Variants in KIAA0232 observed in about 807,000 individuals in gnomAD.
KIAA0232 encodes the protein uncharacterized protein KIAA0232.
KIAA0232 carries 27 observed loss-of-function variants against 122.0 expected under a neutral mutation model. That is an observed-to-expected ratio of 0.22 (90% CI 0.16 to 0.31). KIAA0232 has a LOEUF of 0.31. KIAA0232 is among the 10% of genes least tolerant of loss of function. KIAA0232 has a pLI of 1.00. For missense variants in KIAA0232, 1,551 were observed against 1,634.2 expected (o/e 0.95, Z 0.88); for synonymous variants, 613 against 587.6 (o/e 1.04, Z -0.63).
chr4:6,833,737 C>T (rs953429658), intron 3 of KIAA0232, among the ~76,000 whole-genome samples: 76 of 152,166 alleles, frequency 5.0e-4, no homozygotes, highest in African/African-American at 1.8e-3. Context: ...TGACAAAAAC[C>T]TTTCTGGGTA....
At chr4:6,826,452 A>G (rs751264715) in intron 3 of KIAA0232, among the ~76,000 whole-genome samples, 6 of 151,990 alleles carry the variant, frequency 3.9e-5, no homozygotes, top group Non-Finnish European at 5.9e-5. Flanking sequence ...AATATTTCTC[A>G]TCATTCAAAA....
At chr4:6,795,066 A>ATGTTT (rs59110833) in intron 1 of KIAA0232, among the ~76,000 whole-genome samples, 8 of 151,866 alleles carry the variant, frequency 5.3e-5, no homozygotes, top group African/African-American at 1.9e-4. Flanking sequence ...CACAAGCCAC[A>ATGTTT]TGTTTTGTTT....
intron 3 of KIAA0232, among the ~76,000 whole-genome samples, chr4:6,841,766 A>G (rs1323694967): frequency 1.3e-5 from 2 of 152,234 alleles, no homozygotes; most frequent in Non-Finnish European, 1.5e-5. Flanking sequence ...AGACTTGTGC[A>G]CCAAAAACTA....
intron 7 of KIAA0232, among the ~76,000 whole-genome samples, chr4:6,868,454 C>T (rs961318272): frequency 2.0e-5 from 3 of 152,054 alleles, no homozygotes; most frequent in South Asian, 2.1e-4. Context: ...GATCGCTGGA[C>T]GAGGGGCATT....
rs981071614 is a variant in KIAA0232, at chr4:6,858,450, G to A, written c.462G>A (p.Glu154=). 9 of 1,605,416 alleles carry A rather than the reference G, an allele frequency of 5.6e-6. No individual in the cohort carries two copies. Among genetic ancestry groups the A allele is most frequent in the Admixed American group, 1.7e-5 (1 of 58,304 alleles). The change falls in exon 6 of 10, where the codon GAG becomes GAA. Residue 154 remains glutamate, a synonymous_variant. Transcript: ENST00000307659. ...KQEEKIHKKL[E]GSPSPEAELS... ...AAGAGAAGATTCACAAAAAGTTAGA[G>A]GGGTCTCCCTCTCCAGAGGCAGAAT...
intron 9 of KIAA0232, among the ~76,000 whole-genome samples, chr4:6,878,379 T>TCATATATACATACATACATACATA (rs57525303): frequency 5.4e-5 from 8 of 149,318 alleles, no homozygotes; most frequent in African/African-American, 1.0e-4. Flanking sequence ...CATCATTCAT[T>TCATATATACATACATACATACATA]CATACATACA....
At chr4:6,806,622 T>C (rs1208833066) in intron 2 of KIAA0232, among the ~76,000 whole-genome samples, 3 of 149,600 alleles carry the variant, frequency 2.0e-5, no homozygotes. Flanking sequence ...TAATCCCAGC[T>C]ACTTGGGAGG....
chr4:6,855,153 C>T lies in KIAA0232; in HGVS notation c.370-2011C>T, dbSNP rs1035732300. On this transcript the variant is annotated intron_variant, in intron 4 of 9. Coordinates refer to ENST00000307659, the MANE Select transcript of KIAA0232 (RefSeq NM_014743.3). This position sits in a 1 kb window ranked among gnomAD's most constrained non-coding sequence, Gnocchi z 4.3. The stretch of plus-strand genomic sequence containing the variant: ...AGGCTGGAGTGCAATGACGCGATCT[C>T]AGCTCACTGCAACCTCCACCTCCTG... 1.3e-5 allele frequency among the ~76,000 whole-genome samples: 2 copies of T among 151,942 alleles called. No individual in the cohort carries two copies. The highest frequency in any genetic ancestry group is 2.9e-5 in the Non-Finnish European group (2 of 67,992).
chr4:6,849,791 A>G (rs1297700259), intron 4 of KIAA0232, among the ~76,000 whole-genome samples: 1 of 152,036 alleles, frequency 6.6e-6, no homozygotes, highest in East Asian at 1.9e-4. Context: ...AGTAATTTCT[A>G]TTTACTAAGG....
intron 8 of KIAA0232, among the ~76,000 whole-genome samples, chr4:6,875,488 T>C (rs2108844010): frequency 6.6e-6 from 1 of 152,306 alleles, no homozygotes; most frequent in Non-Finnish European, 1.5e-5. Context: ...GTGGAGAGTC[T>C]TCCATGTGGC....
chr4:6,875,234 A>C (rs533156241), intron 8 of KIAA0232, among the ~76,000 whole-genome samples: 1 of 152,370 alleles, frequency 6.6e-6, no homozygotes, highest in East Asian at 1.9e-4. Context: ...TGTGCCCGGC[A>C]CTGTGCTTGA....
chr4:6,845,896 C>G (rs1035502022), intron 4 of KIAA0232, among the ~76,000 whole-genome samples: 1 of 151,984 alleles, frequency 6.6e-6, no homozygotes, highest in South Asian at 2.1e-4. Flanking sequence ...TCATGCTAGC[C>G]GAGTATGTCG....
At chr4:6,856,447 T>G (rs1720576025) in intron 4 of KIAA0232, among the ~76,000 whole-genome samples, 2 of 152,236 alleles carry the variant, frequency 1.3e-5, no homozygotes, top group African/African-American at 2.4e-5. Context: ...AAAGATTATT[T>G]GCTTGTGCCT....
chr4:6,847,645 G>A (rs1023326563), intron 4 of KIAA0232, among the ~76,000 whole-genome samples: 2 of 152,026 alleles, frequency 1.3e-5, no homozygotes, highest in Admixed American at 6.6e-5. Context: ...GCAAGTTTTC[G>A]ATAAAATGTT....
Position 6,861,365 on chromosome 4 carries a change from G to A in KIAA0232, c.983G>A (p.Arg328Gln), listed in dbSNP as rs374592929. ...KAREIRNKKG[R>Q]NGQSRLSLKH... ...CGAGAGATTCGAAACAAAAAAGGGC[G>A]GAATGGGCAAAGCAGGCTTTCTTTG... The change falls in exon 7 of 10, where the codon CGG becomes CAG. Residue 328 changes from arginine (R) to glutamine (Q), a missense_variant. By Grantham distance (43) the Arg-to-Gln change is conservative. Coordinates refer to ENST00000307659, the MANE Select transcript of KIAA0232 (RefSeq NM_014743.3). 9.4e-5 allele frequency: 151 copies of A among 1,613,996 alleles called. No homozygotes were observed. The highest frequency in any genetic ancestry group is 1.2e-4 in the Non-Finnish European group (137 of 1,180,026).
At chr4:6,783,051 G>A (rs2108834514) in intron 1 of KIAA0232, among the ~76,000 whole-genome samples, 1 of 151,036 alleles carries the variant, frequency 6.6e-6, no homozygotes, top group East Asian at 2.0e-4. Context: ...CCGAGCCGCC[G>A]CCGAGGGCTC....
At chr4:6,834,694 A>G (rs73199911) in intron 3 of KIAA0232, among the ~76,000 whole-genome samples, 5,697 of 152,270 alleles carry the variant, frequency 0.037, 165 homozygotes, top group Non-Finnish European at 0.054. Context: ...GACAAATTCC[A>G]GTGGCAATTA....
intron 1 of KIAA0232, among the ~76,000 whole-genome samples, chr4:6,798,100 G>A (rs552498062): frequency 1.3e-5 from 2 of 152,092 alleles, no homozygotes; most frequent in South Asian, 4.2e-4. Flanking sequence ...TGAAGGAAAG[G>A]CTACAAGTTA....
intron 2 of KIAA0232, among the ~76,000 whole-genome samples, chr4:6,816,360 G>T (rs1188760276): frequency 6.6e-6 from 1 of 150,478 alleles, no homozygotes; most frequent in Non-Finnish European, 1.5e-5. Context: ...TCGGCTCACT[G>T]CAAGCTCTAC....
Sources: gnomAD v4.1 joint callset for allele counts (sites outside exome capture counted in the v4.1 genomes callset) on GRCh38, gnomAD v4.1.1 for gene constraint, Gnocchi (gnomAD v3.1) non-coding constraint, MANE v1.5 for transcripts, NCBI Gene and HGNC (gene_info 2026-07-23, HGNC 2026-07-21) for gene names.